CXCL14: variants seen among roughly 807,000 people sequenced by gnomAD.
CXCL14 encodes C-X-C motif chemokine ligand 14, also known as C-X-C motif chemokine 14.
CXCL14 carries 9 observed loss-of-function variants against 16.1 expected under a neutral mutation model. The observed-to-expected ratio is 0.56, with a 90% CI of 0.34 to 0.97. The LOEUF (loss-of-function observed/expected upper bound fraction) is 0.97. Ranked by LOEUF, CXCL14 falls within the 50% of genes least tolerant of loss-of-function variation. The probability of loss-of-function intolerance (pLI) is 0.02; values close to 1 mark genes in which losing one functional copy is unlikely to be tolerated. For synonymous variants in CXCL14, 55 were observed against 52.8 expected (o/e 1.04, Z -0.18); for missense variants, 111 against 132.5 (o/e 0.84, Z 0.80).
Position 135,578,728 on chromosome 5 carries a change from G to A in CXCL14, c.51C>T (p.Thr17=). ...CCCCGCACTCACCGTCCACACGCGCGGTGTACAGCGCCAGCAGCAGCAGGA... is the reference window on the plus strand; with the variant it reads ...CCCCGCACTCACCGTCCACACGCGCAGTGTACAGCGCCAGCAGCAGCAGGA... ...ALLLLLLALY[T]ARVDGSKCKC... The change falls in exon 1 of 4, where the codon ACC becomes ACT. Residue 17 remains threonine (T), a synonymous_variant. Coordinates refer to ENST00000512158, the MANE Select transcript of CXCL14 (RefSeq NM_004887.5). 6.5e-7 allele frequency: 1 copy of A among 1,550,112 alleles called. No individual in the cohort carries two copies. Among genetic ancestry groups the A allele is most frequent in the Non-Finnish European group, 8.7e-7 (1 of 1,146,892 alleles).
chr5:135,571,560 A>G lies in CXCL14; in HGVS notation c.*293T>C. 1 of 427,632 alleles carries G rather than the reference A, an allele frequency of 2.3e-6. No homozygotes were observed. The highest frequency in any genetic ancestry group is 4.1e-6 in the Non-Finnish European group (1 of 243,358). 26.5% of individuals were successfully genotyped at this position (427,632 alleles called of 1,614,324 possible). On this transcript the variant is annotated 3_prime_UTR_variant, in exon 4 of 4. Transcript: ENST00000512158. ...ACAAAAAAGCATTTTTTAAAAAGGA[A>G]AGGCATGAGTTTTCCCCTTTTTGAT...
chr5:135,574,127 C>T (rs1207186470), intron 3 of CXCL14, among the ~76,000 whole-genome samples: 1 of 152,226 alleles, frequency 6.6e-6, no homozygotes, highest in Non-Finnish European at 1.5e-5. Context: ...GGATCATCCT[C>T]AGCACCTCAT....
chr5:135,571,592 C>T lies in CXCL14; in HGVS notation c.*261G>A, dbSNP rs1751028509. 1.3e-5 allele frequency: 6 copies of T among 464,174 alleles called. No individual in the cohort carries two copies. In the East Asian group the frequency reaches 1.7e-4, roughly 13 times the overall value. The allele number at this position is 464,174 out of a possible 1,614,324, so 28.8% of individuals were successfully genotyped here. ...GAGTTTTCCCCTTTTTGATAAAAAG[C>T]AGCCTGTGATGAAGTCTGGAGCACA... On this transcript the variant is annotated 3_prime_UTR_variant, in exon 4 of 4. Transcript: ENST00000512158.
At position 135,571,688 on chromosome 5, in the gene CXCL14, A is replaced by G; in HGVS notation, c.*165T>C. 1.5e-6 allele frequency: 1 copy of G among 689,056 alleles called. No individual in the cohort carries two copies. The highest frequency in any genetic ancestry group is 3.0e-5 in the East Asian group (1 of 33,350). The allele number at this position is 689,056 out of a possible 1,614,324, so 42.7% of individuals were successfully genotyped here. The stretch of plus-strand genomic sequence containing the variant: ...AAATGTAAAAACTGACCGTTGGTAA[A>G]AAGTGCTTCATAACAATATATAATT... On this transcript the variant is annotated 3_prime_UTR_variant, in exon 4 of 4. Coordinates refer to ENST00000512158, the MANE Select transcript of CXCL14 (RefSeq NM_004887.5).
rs1403334016 is a variant in CXCL14, at chr5:135,578,580, T to A, written c.65-41A>T. ...GGGCAACGGCTTAGTTGCTAGGCGG[T>A]CTCCTGCCCCTCGACCACCTTGGTG... is the stretch of plus-strand genomic sequence containing the variant. On this transcript the variant is annotated intron_variant, in intron 1 of 3. Transcript: ENST00000512158. The A allele has an allele frequency of 2.5e-6, 4 of 1,606,916 alleles. No individual in the cohort carries two copies. In the Admixed American group the frequency reaches 6.7e-5, roughly 27 times the overall value.
chr5:135,578,289 ACT>A (rs1751145810), intron 2 of CXCL14, 143 bp downstream of exon 2: 2 of 672,190 alleles, frequency 3.0e-6, no homozygotes, highest in Non-Finnish European at 2.6e-6. Context: ...CGTCCTAAGG[ACT>A]CTCTGGGCAA....
At chr5:135,572,288 CTATT>C (rs1276231543) in intron 3 of CXCL14, among the ~76,000 whole-genome samples, 1 of 152,198 alleles carries the variant, frequency 6.6e-6, no homozygotes, top group Non-Finnish European at 1.5e-5. Flanking sequence ...CTCAGCCTCT[CTATT>C]TAGAGAAAAT....
intron 3 of CXCL14, among the ~76,000 whole-genome samples, 177 bp downstream of exon 3, chr5:135,574,395 T>C (rs563163942): frequency 2.0e-5 from 3 of 152,340 alleles, no homozygotes; most frequent in African/African-American, 7.2e-5. Flanking sequence ...TGGTAAGTGG[T>C]GAGTTCCTTG....
chr5:135,578,184 C>A (rs555842320), intron 2 of CXCL14, among the ~76,000 whole-genome samples: 1 of 152,302 alleles, frequency 6.6e-6, no homozygotes, highest in Non-Finnish European at 1.5e-5. Flanking sequence ...AGGGAGACTG[C>A]TCATTTGAAT....
At chr5:135,576,795 A>G (rs1751105708) in intron 2 of CXCL14, among the ~76,000 whole-genome samples, 1 of 138,810 alleles carries the variant, frequency 7.2e-6, no homozygotes, top group Non-Finnish European at 1.5e-5. Flanking sequence ...GACTCAGGGT[A>G]AGCTGGAAAA....
intron 1 of CXCL14, 61 bp downstream of exon 1, chr5:135,578,654 G>C: frequency 6.4e-7 from 1 of 1,573,042 alleles, no homozygotes; most frequent in Non-Finnish European, 8.6e-7. Context: ...AGAAATTGGC[G>C]CTTGGGTTCC....
At chr5:135,577,870 G>T (rs1196964157) in intron 2 of CXCL14, among the ~76,000 whole-genome samples, 2 of 152,198 alleles carry the variant, frequency 1.3e-5, no homozygotes, top group Non-Finnish European at 2.9e-5. Context: ...GTACTGCTCC[G>T]TATTGGGGAC....
chr5:135,574,660 A>G lies in CXCL14; in HGVS notation c.196T>C (p.Tyr66His), dbSNP rs768072701. 3 of 1,613,178 alleles carry G rather than the reference A, an allele frequency of 1.9e-6. No individual in the cohort carries two copies. Among genetic ancestry groups the G allele is most frequent in the Non-Finnish European group, 2.5e-6 (3 of 1,179,732 alleles). ...VIITTKSVSR[Y>H]RGQEHCLHPK... ...TGCAGGCAGTGCTCCTGACCTCGGT[A>G]CCTGGACACGCTCTTGGTGGTGATG... The change falls in exon 3 of 4, where the codon TAC becomes CAC. Residue 66 changes from tyrosine (Y) to histidine (H), a missense_variant. Tyr to His is a moderately conservative substitution (Grantham distance 83). Transcript: ENST00000512158.
At position 135,574,566 on chromosome 5, in the gene CXCL14, G is replaced by T. The variant is rs985924883; in HGVS notation, c.284+6C>A. On this transcript the variant is annotated splice_donor_region_variant and intron_variant, in intron 3 of 3. Transcript: ENST00000512158. Reference sequence around the variant, plus strand: ...GGGAAGGAAGGTGAGTAGAGGCGGGGCGTACCTGCGCTTCTCGTTCCAGGC... The same window carrying T: ...GGGAAGGAAGGTGAGTAGAGGCGGGTCGTACCTGCGCTTCTCGTTCCAGGC... 1.9e-6 allele frequency: 3 copies of T among 1,608,720 alleles called. No individual in the cohort carries two copies. In the African/African-American group the frequency reaches 4.0e-5, roughly 22 times the overall value.
intron 2 of CXCL14, among the ~76,000 whole-genome samples, chr5:135,576,752 C>T (rs927810351): frequency 6.6e-6 from 1 of 151,716 alleles, no homozygotes; most frequent in African/African-American, 2.4e-5. Flanking sequence ...CTACTCCTGC[C>T]CCCACCCCCA....
chr5:135,578,438 C>A lies in CXCL14; in HGVS notation c.166G>T (p.Val56Phe). The A allele has an allele frequency of 6.2e-7, 1 of 1,613,704 alleles. No homozygotes were observed. The highest frequency in any genetic ancestry group is 1.1e-5 in the South Asian group (1 of 91,080). ...AGGTGAGGAGCGAGAACTCACATAACCATCTTCTCCTCGCAGTGCGGGTAC... is the reference window on the plus strand; with the variant it reads ...AGGTGAGGAGCGAGAACTCACATAAACATCTTCTCCTCGCAGTGCGGGTAC... Reference protein sequence around the residue: ...PKYPHCEEKMVIITTKSVSRY... With the variant: ...PKYPHCEEKMFIITTKSVSRY... Residue 56 changes from valine to phenylalanine, a missense_variant, in exon 2 of 4, where the codon GTT becomes TTT. Val to Phe is a conservative substitution (Grantham distance 50, BLOSUM62 -1). Transcript: ENST00000512158.
rs989102079 is a variant in CXCL14, at chr5:135,578,922, C to A, written c.-144G>T. On this transcript the variant is annotated 5_prime_UTR_variant, in exon 1 of 4. Transcript: ENST00000512158. Reference sequence around the variant, plus strand: ...CCGGCTCTGCTGGCTCCGGCTGCGCCGTCGGTGGATGCCCAGGGCTGTCTG... The same window carrying A: ...CCGGCTCTGCTGGCTCCGGCTGCGCAGTCGGTGGATGCCCAGGGCTGTCTG... The A allele has an allele frequency of 2.3e-6, 2 of 875,016 alleles. No individual in the cohort carries two copies. The highest frequency in any genetic ancestry group is 2.0e-5 in the South Asian group (1 of 49,996). 54.2% of individuals were successfully genotyped at this position (875,016 alleles called of 1,614,324 possible).
chr5:135,577,194 G>A (rs555409924), intron 2 of CXCL14, among the ~76,000 whole-genome samples: 279 of 152,296 alleles, frequency 1.8e-3, no homozygotes, highest in Non-Finnish European at 2.8e-3. Flanking sequence ...GGTTAATAGA[G>A]TGGTTTTCAG....
At chr5:135,576,054 G>A (rs2126865580) in intron 2 of CXCL14, among the ~76,000 whole-genome samples, 1 of 152,360 alleles carries the variant, frequency 6.6e-6, no homozygotes, top group South Asian at 2.1e-4. Flanking sequence ...CAGAATGGGG[G>A]CATAATGTTC....
Sources: gnomAD v4.1 joint callset for allele counts (sites outside exome capture counted in the v4.1 genomes callset) on GRCh38, gnomAD v4.1.1 for gene constraint, MANE v1.5 for transcripts, NCBI Gene and HGNC (gene_info 2026-07-23, HGNC 2026-07-21) for gene names.